Variants in CFAP77 observed in about 807,000 individuals in gnomAD.
CFAP77 encodes the protein cilia and flagella associated protein 77, also known as cilia- and flagella-associated protein 77.
A neutral mutation model predicts 31.1 loss-of-function variants in CFAP77; 25 were observed. That is an observed-to-expected ratio of 0.80 (90% CI 0.59 to 1.12). The LOEUF (loss-of-function observed/expected upper bound fraction) is 1.12. CFAP77 is among the 50% of genes most tolerant of loss of function. The pLI is 0.00. For synonymous variants in CFAP77, 151 were observed against 159.9 expected (o/e 0.94, Z 0.42); for missense variants, 377 against 397.3 (o/e 0.95, Z 0.44).
intron 5 of CFAP77, among the ~76,000 whole-genome samples, chr9:132,553,436 TACAAACAA>T (rs369252818): frequency 2.9e-4 from 44 of 152,132 alleles, no homozygotes; most frequent in African/African-American, 9.2e-4. Context: ...ACTCTGTCTC[TACAAACAA>T]ACAAACAAAC....
intron 1 of CFAP77, among the ~76,000 whole-genome samples, chr9:132,475,590 C>A (rs569953314): frequency 6.6e-6 from 1 of 152,158 alleles, no homozygotes; most frequent in African/African-American, 2.4e-5. Flanking sequence ...AGAAGTGTCT[C>A]GGTTAGGAGC....
Position 132,537,612 on chromosome 9 carries a change from CCTT to C in CFAP77, c.540_542del (p.Phe181del), listed in dbSNP as rs542793318. 5.0e-3 allele frequency: 8,130 copies of C among 1,612,036 alleles called. 21 individuals carry two copies. The highest frequency in any genetic ancestry group is 6.0e-3 in the Non-Finnish European group (7,121 of 1,178,980). The stretch of plus-strand genomic sequence containing the variant: ...CTTCTTCCCTCCAGGCCTTCCACAC[CCTT>C]CTTTGATCTGCTGCAGCACCGGTAC... On this transcript the variant is annotated inframe_deletion, in exon 4 of 6. Coordinates refer to ENST00000393216, the MANE Select transcript of CFAP77 (RefSeq NM_001282957.2).
At chr9:132,458,600 C>T (rs1850971928) in intron 1 of CFAP77, among the ~76,000 whole-genome samples, 2 of 152,158 alleles carry the variant, frequency 1.3e-5, no homozygotes, top group African/African-American at 4.8e-5. Flanking sequence ...GGTAGCTCAG[C>T]ACTGTCCGGT....
At chr9:132,516,292 G>A (rs1328509433) in intron 3 of CFAP77, among the ~76,000 whole-genome samples, 3 of 152,208 alleles carry the variant, frequency 2.0e-5, no homozygotes, top group Non-Finnish European at 4.4e-5. Flanking sequence ...CCTAGAGTCT[G>A]CTATTTGCAA....
chr9:132,543,123 GTC>G (rs1852674194), intron 5 of CFAP77, 76 bp downstream of exon 5: 1 of 1,197,128 alleles, frequency 8.4e-7, no homozygotes, highest in Non-Finnish European at 1.2e-6. Context: ...CTTACCTGCT[GTC>G]TCTGGGTTCT....
rs145173664 is a variant in CFAP77 at position 132,530,073 on chromosome 9, T to C, written c.525-7528T>C. 2.1e-4 allele frequency among the ~76,000 whole-genome samples: 32 copies of C among 151,686 alleles called. No homozygotes were observed. The East Asian group carries it at 5.8e-3, about 28-fold the overall frequency. On this transcript the variant is annotated intron_variant, in intron 3 of 5. Transcript: ENST00000393216. ...TATTCTTTCATGTGTTTGTTTGCCA[T>C]CCATATATTCTCTTTGATGAAATAT...
chr9:132,571,384 C>T (rs1424438326), intron 5 of CFAP77, among the ~76,000 whole-genome samples: 1 of 152,154 alleles, frequency 6.6e-6, no homozygotes, highest in Admixed American at 6.5e-5. Flanking sequence ...GCATCTCTTC[C>T]CCAGGACCCA....
rs1852871106 is a variant in CFAP77, at chr9:132,554,719, G to T, written c.732+11672G>T. ...AAGGAGACAGGGTACAACTACTGAA[G>T]AAAGTAAAACACTTCTTCCACTTAG... On this transcript the variant is annotated intron_variant, in intron 5 of 5. Coordinates refer to ENST00000393216, the MANE Select transcript of CFAP77 (RefSeq NM_001282957.2). The surrounding 1 kb of genome is among the most constrained non-coding windows in gnomAD (Gnocchi z 4.1). 6.6e-6 allele frequency among the ~76,000 whole-genome samples: 1 copy of T among 152,158 alleles called. No homozygotes were observed. The highest frequency in any genetic ancestry group is 6.5e-5 in the Admixed American group (1 of 15,274).
At chr9:132,444,201 G>A (rs1292392718) in intron 1 of CFAP77, among the ~76,000 whole-genome samples, 1 of 152,248 alleles carries the variant, frequency 6.6e-6, no homozygotes, top group Admixed American at 6.5e-5. Context: ...TGGAAGCCCT[G>A]GGCATTAGCA....
At chr9:132,423,308 C>T (rs1012896176) in intron 1 of CFAP77, among the ~76,000 whole-genome samples, 16 of 152,310 alleles carry the variant, frequency 1.1e-4, no homozygotes, top group African/African-American at 2.9e-4. Flanking sequence ...TGACTTCTCC[C>T]GGAGTGGGAG....
Position 132,410,219 on chromosome 9 carries a change from TG to T in CFAP77, c.-49del. On this transcript the variant is annotated 5_prime_UTR_variant, in exon 1 of 6. Transcript: ENST00000393216. ...TCGGAGCTCCAGGCTGTGCCCGACG[TG>T]GGGAAGCGCGCCCAAACCAGCCCGC... is the stretch of plus-strand genomic sequence containing the variant. 1 of 1,353,058 alleles carries T rather than the reference TG, an allele frequency of 7.4e-7. No individual in the cohort carries two copies. Among genetic ancestry groups the T allele is most frequent in the Non-Finnish European group, 9.8e-7 (1 of 1,021,098 alleles). 83.8% of individuals were successfully genotyped at this position (1,353,058 alleles called of 1,614,324 possible). A position where few individuals can be genotyped will look rare whatever the true frequency, so the allele number is the denominator to read the frequency against.
chr9:132,410,881 G>T (rs1404204220), intron 1 of CFAP77, among the ~76,000 whole-genome samples: 2 of 152,208 alleles, frequency 1.3e-5, no homozygotes, highest in African/African-American at 4.8e-5. Context: ...CGCCTCTCCG[G>T]TTCCGCTGCA....
intron 1 of CFAP77, among the ~76,000 whole-genome samples, chr9:132,454,444 A>G (rs1463218229): frequency 6.6e-6 from 1 of 152,194 alleles, no homozygotes; most frequent in Admixed American, 6.5e-5. Flanking sequence ...AATAAAGTGG[A>G]ACTAAGCTTC....
rs1365696785 is a variant in CFAP77, at chr9:132,501,101, G to A, written c.524+1501G>A. Among the ~76,000 whole-genome samples, 1 of 152,262 alleles carries A rather than the reference G, an allele frequency of 6.6e-6. No homozygotes were observed. The highest frequency in any genetic ancestry group is 6.5e-5 in the Admixed American group (1 of 15,292). On this transcript the variant is annotated intron_variant, in intron 3 of 5. Transcript: ENST00000393216. This position sits in a 1 kb window ranked among gnomAD's most constrained non-coding sequence, Gnocchi z 4.6. ...GCACACATGACATTCTATAAAAGCA[G>A]AATGTAGTTGTGTTTAATCGAAACT...
intron 3 of CFAP77, among the ~76,000 whole-genome samples, chr9:132,525,325 A>G (rs1436626219): frequency 6.6e-6 from 1 of 152,160 alleles, no homozygotes; most frequent in Non-Finnish European, 1.5e-5. Context: ...CGGCCCCAGT[A>G]TGATAGTAAT....
intron 5 of CFAP77, among the ~76,000 whole-genome samples, chr9:132,556,473 G>A (rs1220853872): frequency 6.6e-6 from 1 of 152,114 alleles, no homozygotes; most frequent in African/African-American, 2.4e-5. Flanking sequence ...CATTGAAAGC[G>A]GCCTCACTGT....
chr9:132,546,338 G>A (rs1230298509), intron 5 of CFAP77, among the ~76,000 whole-genome samples: 1 of 152,136 alleles, frequency 6.6e-6, no homozygotes, highest in Admixed American at 6.5e-5. Context: ...GCCCCGGGAG[G>A]GCCTTTGTCT....
chr9:132,465,073 C>CAAAAAAAAAAAAAAAAAAAAAAAAAAA (rs773917029), intron 1 of CFAP77, among the ~76,000 whole-genome samples: 9 of 82,834 alleles, frequency 1.1e-4, no homozygotes, highest in Non-Finnish European at 1.5e-4. Flanking sequence ...GACTCTGTCT[C>CAAAAAAAAAAAAAAAAAAAAAAAAAAA]AAAAAAAAAA....
At chr9:132,437,639 A>G (rs1345390186) in intron 1 of CFAP77, among the ~76,000 whole-genome samples, 5 of 150,032 alleles carry the variant, frequency 3.3e-5, no homozygotes, top group Non-Finnish European at 7.4e-5. Flanking sequence ...CCTCCCGAGT[A>G]GCTGGGACTA....
Sources: gnomAD v4.1 joint callset for allele counts (sites outside exome capture counted in the v4.1 genomes callset) on GRCh38, gnomAD v4.1.1 for gene constraint, Gnocchi (gnomAD v3.1) non-coding constraint, MANE v1.5 for transcripts, NCBI Gene and HGNC (gene_info 2026-07-23, HGNC 2026-07-21) for gene names.